RPL28: variants seen among roughly 807,000 people sequenced by gnomAD.
RPL28 encodes ribosomal protein L28.
In RPL28, 4 loss-of-function variants were observed where a neutral mutation model predicts 12.5. The observed-to-expected ratio is 0.32, with a 90% CI of 0.16 to 0.73. The LOEUF is 0.73. Among genes scored for constraint, RPL28 ranks in the 30% least tolerant of loss-of-function variants. RPL28 has a pLI of 0.66. For synonymous variants in RPL28, 91 were observed against 72.5 expected, an observed-to-expected ratio of 1.26 and a Z score of -1.30; for missense variants, 214 against 197.7, an observed-to-expected ratio of 1.08 and a Z score of -0.49.
downstream of RPL28, among the ~76,000 whole-genome samples, chr19:55,395,068 C>T (rs1221899122): frequency 1.3e-5 from 2 of 152,156 alleles, no homozygotes; most frequent in African/African-American, 2.4e-5. Context: ...ACATTTGTCT[C>T]AAGGAAGGAG....
intron 4 of RPL28, among the ~76,000 whole-genome samples, chr19:55,397,435 A>G (rs1023212314): frequency 7.9e-5 from 12 of 152,210 alleles, no homozygotes; most frequent in African/African-American, 1.2e-4. Context: ...GCTGGAGTGC[A>G]GTGGCGCGAT....
Position 55,391,932 on chromosome 19 carries a change from T to G in RPL28, c.*3600T>G, listed in dbSNP as rs1168337554. The stretch of plus-strand genomic sequence containing the variant: ...GGTCTGCCCCGCCGTCCTGTGGGGC[T>G]GTGAGCTTTCCCAGCCTCCTGCCCG... On this transcript the variant is annotated 3_prime_UTR_variant, in exon 5 of 5. Coordinates refer to ENST00000344063, the MANE Select transcript of RPL28 (RefSeq NM_000991.5). 4 of 1,267,002 alleles carry G rather than the reference T, an allele frequency of 3.2e-6. No individual in the cohort carries two copies. 78.5% of individuals were successfully genotyped at this position (1,267,002 alleles called of 1,614,324 possible). A position where few individuals can be genotyped will look rare whatever the true frequency, so the allele number is the denominator to read the frequency against.
At chr19:55,392,537 C>CTT (rs377688364), downstream of RPL28, among the ~76,000 whole-genome samples, 9 of 145,168 alleles carry the variant, frequency 6.2e-5, no homozygotes, top group South Asian at 2.2e-4. Context: ...CCAGCCTCAT[C>CTT]TTTTTTTTTT....
chr19:55,401,894 T>G, intron 4 of RPL28: 1 of 889,648 alleles, frequency 1.1e-6, no homozygotes, highest in South Asian at 1.6e-5. Flanking sequence ...GCCCCACCTA[T>G]GCTGCATCCT....
At position 55,391,696 on chromosome 19, in the gene RPL28, G is replaced by A; in HGVS notation, c.*3364G>A. The A allele has an allele frequency of 1.5e-5, 23 of 1,534,774 alleles. No individual in the cohort carries two copies. Among genetic ancestry groups the A allele is most frequent in the Non-Finnish European group, 1.9e-5 (22 of 1,132,696 alleles). On this transcript the variant is annotated 3_prime_UTR_variant, in exon 5 of 5. Coordinates refer to ENST00000344063, the MANE Select transcript of RPL28 (RefSeq NM_000991.5). ...CCCTACTACTCAGGGTTGATGAGAAGATTAAATGTGCAAAACCTGCTTGAC... is the reference window on the plus strand; with the variant it reads ...CCCTACTACTCAGGGTTGATGAGAAAATTAAATGTGCAAAACCTGCTTGAC...
At chr19:55,396,802 G>T (rs962144812), downstream of RPL28, among the ~76,000 whole-genome samples, 1 of 150,472 alleles carries the variant, frequency 6.6e-6, no homozygotes, top group Non-Finnish European at 1.5e-5. Flanking sequence ...GGATGTTCTC[G>T]ATCTCCTGAC....
chr19:55,390,478 T>TA lies in RPL28; in HGVS notation c.*2147dup. 1.0e-6 allele frequency: 1 copy of TA among 985,502 alleles called. No homozygotes were observed. The highest frequency in any genetic ancestry group is 1.2e-6 in the Non-Finnish European group (1 of 829,974). 61.0% of individuals were successfully genotyped at this position (985,502 alleles called of 1,614,324 possible). A position where few individuals can be genotyped will look rare whatever the true frequency, so the allele number is the denominator to read the frequency against. The stretch of plus-strand genomic sequence containing the variant: ...CCTCAGCCTCCCAAAGTGCTGGCAT[T>TA]ACAGGCGCTCGAGGCTTTCTGATGT... On this transcript the variant is annotated 3_prime_UTR_variant, in exon 5 of 5. Transcript: ENST00000344063.
chr19:55,386,954 G>C, intron 3 of RPL28: 1 of 1,457,682 alleles, frequency 6.9e-7, no homozygotes. Context: ...GAGAGTTAAG[G>C]CACGGGGTTG....
chr19:55,390,432 T>G lies in RPL28; in HGVS notation c.*2100T>G, dbSNP rs1166973290. ...TTTGCCCAGGCTGGTTTGGAACTCC[T>G]GACTTCAAATTACCCACCTGCCTCA... On this transcript the variant is annotated 3_prime_UTR_variant, in exon 5 of 5. Coordinates refer to ENST00000344063, the MANE Select transcript of RPL28 (RefSeq NM_000991.5). 2 of 979,524 alleles carry G rather than the reference T, an allele frequency of 2.0e-6. No homozygotes were observed. Among genetic ancestry groups the G allele is most frequent in the Non-Finnish European group, 1.2e-6 (1 of 824,508 alleles). 60.7% of individuals were successfully genotyped at this position (979,524 alleles called of 1,614,324 possible).
intron 4 of RPL28, among the ~76,000 whole-genome samples, chr19:55,398,692 G>C (rs1039885189): frequency 6.6e-6 from 1 of 152,008 alleles, no homozygotes; most frequent in African/African-American, 2.4e-5. Context: ...ATTTTGTTGC[G>C]TGTGTTGAGG....
rs1324819587 is a variant in RPL28 at position 55,389,085 on chromosome 19, C to T, written c.*753C>T. ...CTGTCACCCAAGCTTTCCTGATTGCCCAGCCCTCTTGTTTCCTTTGGCCTG... is the reference window on the plus strand; with the variant it reads ...CTGTCACCCAAGCTTTCCTGATTGCTCAGCCCTCTTGTTTCCTTTGGCCTG... On this transcript the variant is annotated 3_prime_UTR_variant, in exon 5 of 5. Coordinates refer to ENST00000344063, the MANE Select transcript of RPL28 (RefSeq NM_000991.5). The T allele has an allele frequency of 2.0e-6, 2 of 985,474 alleles. No homozygotes were observed. Among genetic ancestry groups the T allele is most frequent in the South Asian group, 4.7e-5 (1 of 21,296 alleles). The allele number at this position is 985,474 out of a possible 1,614,324, so 61.0% of individuals were successfully genotyped here. A position where few individuals can be genotyped will look rare whatever the true frequency, so the allele number is the denominator to read the frequency against.
intron 4 of RPL28, among the ~76,000 whole-genome samples, chr19:55,397,670 G>T (rs989032207): frequency 2.0e-5 from 3 of 151,896 alleles, no homozygotes; most frequent in Non-Finnish European, 4.4e-5. Flanking sequence ...GAGCCACCGC[G>T]CCCGGCCAGG....
In RPL28 at chr19:55,387,480, C is replaced by T. The variant is rs1242308623; in HGVS notation, c.206-450C>T. On this transcript the variant is annotated intron_variant, in intron 3 of 4. Transcript: ENST00000344063. ...TGAAAGCTTTCACCTCTTGGATTGCCGAATACATGGGTGGCCCTTCCTAGA... is the reference window on the plus strand; with the variant it reads ...TGAAAGCTTTCACCTCTTGGATTGCTGAATACATGGGTGGCCCTTCCTAGA... 5.5e-6 allele frequency: 8 copies of T among 1,467,326 alleles called. No individual in the cohort carries two copies. In the Admixed American group the frequency reaches 7.5e-5, roughly 14 times the overall value. 90.9% of individuals were successfully genotyped at this position (1,467,326 alleles called of 1,614,324 possible).
chr19:55,403,092 C>T, exon 5 of RPL28: 1 of 1,068,040 alleles, frequency 9.4e-7, no homozygotes, highest in South Asian at 1.3e-5. Context: ...GCACCCTTGG[C>T]CTCCACCCAC....
At chr19:55,395,616 TG>T (rs1241655387), downstream of RPL28, among the ~76,000 whole-genome samples, 8 of 151,874 alleles carry the variant, frequency 5.3e-5, no homozygotes, top group African/African-American at 1.9e-4. Context: ...GCTAATTTTT[TG>T]TATTTTTAGT....
intron 4 of RPL28, chr19:55,401,881 C>T (rs1051509114): frequency 5.7e-6 from 6 of 1,052,954 alleles, no homozygotes; most frequent in African/African-American, 1.6e-5. Context: ...GCTGCAGATC[C>T]AGGCCCCACC....
At chr19:55,401,700 G>A (rs774701497) in intron 4 of RPL28, 5 of 1,613,194 alleles carry the variant, frequency 3.1e-6, no homozygotes, top group Non-Finnish European at 3.4e-6. Flanking sequence ...CCAAGAGCAG[G>A]CGGCCCGCCT....
chr19:55,394,176 C>T (rs929727839), downstream of RPL28, among the ~76,000 whole-genome samples: 36 of 152,124 alleles, frequency 2.4e-4, no homozygotes, highest in Non-Finnish European at 5.0e-4. Context: ...GCAGGAGAAT[C>T]GCTTGAATCC....
At position 55,390,728 on chromosome 19, in the gene RPL28, G is replaced by A; in HGVS notation, c.*2396G>A. 1 of 985,488 alleles carries A rather than the reference G, an allele frequency of 1.0e-6. No homozygotes were observed. Among genetic ancestry groups the A allele is most frequent in the Non-Finnish European group, 1.2e-6 (1 of 829,972 alleles). 61.0% of individuals were successfully genotyped at this position (985,488 alleles called of 1,614,324 possible). A position where few individuals can be genotyped will look rare whatever the true frequency, so the allele number is the denominator to read the frequency against. On this transcript the variant is annotated 3_prime_UTR_variant, in exon 5 of 5. Transcript: ENST00000344063. ...CTGTCTGTGTGGCTGGGCTGGGGAG[G>A]CCACGTCTGGTATCTGAATGCTATC... is the stretch of plus-strand genomic sequence containing the variant.
Sources: gnomAD v4.1 joint callset for allele counts (sites outside exome capture counted in the v4.1 genomes callset) on GRCh38, gnomAD v4.1.1 for gene constraint, MANE v1.5 for transcripts, NCBI Gene and HGNC (gene_info 2026-07-23, HGNC 2026-07-21) for gene names.